MAP3K5: variants seen among roughly 807,000 people sequenced by gnomAD.
The protein encoded by MAP3K5 is ASK-1.
In MAP3K5, 56 loss-of-function variants were observed where a neutral mutation model predicts 158.7. The observed-to-expected ratio is 0.35, with a 90% confidence interval of 0.28 to 0.44. The LOEUF (loss-of-function observed/expected upper bound fraction) is 0.44. MAP3K5 is among the 20% of genes least tolerant of loss of function. MAP3K5 has a pLI of 1.00. For synonymous variants in MAP3K5, 579 were observed against 601.7 expected, an observed-to-expected ratio of 0.96 and a Z score of 0.55; for missense variants, 1,294 against 1,674.8, an observed-to-expected ratio of 0.77 and a Z score of 3.97.
intron 14 of MAP3K5, 24 bp downstream of exon 14, chr6:136,637,301 G>C: frequency 6.4e-7 from 1 of 1,556,564 alleles, no homozygotes; most frequent in Non-Finnish European, 8.9e-7. Context: ...AGCTCTAAAT[G>C]TAAATGGACA....
chr6:136,739,328 C>T (rs544746829), intron 1 of MAP3K5, among the ~76,000 whole-genome samples: 1 of 152,244 alleles, frequency 6.6e-6, no homozygotes, highest in South Asian at 2.1e-4. Flanking sequence ...CCTCAACACC[C>T]TGAGCCCATT....
intron 1 of MAP3K5, among the ~76,000 whole-genome samples, chr6:136,754,266 C>T (rs1374574789): frequency 4.3e-5 from 6 of 139,302 alleles, no homozygotes; most frequent in South Asian, 2.3e-4. Flanking sequence ...GAGCAAGACT[C>T]GATAAAAAAA....
chr6:136,630,918 G>A (rs1340408813), intron 14 of MAP3K5, among the ~76,000 whole-genome samples: 1 of 152,098 alleles, frequency 6.6e-6, no homozygotes, highest in Non-Finnish European at 1.5e-5. Context: ...TAGGCAACAT[G>A]GTGAAACCCT....
At chr6:136,678,735 T>G (rs1051023705) in intron 7 of MAP3K5, among the ~76,000 whole-genome samples, 2 of 152,138 alleles carry the variant, frequency 1.3e-5, no homozygotes, top group African/African-American at 4.8e-5. Context: ...TAATTTTTTT[T>G]TTCTTCTTGA....
intron 14 of MAP3K5, among the ~76,000 whole-genome samples, chr6:136,630,510 A>G (rs118017845): frequency 6.6e-6 from 1 of 152,348 alleles, no homozygotes; most frequent in Non-Finnish European, 1.5e-5. Context: ...TCAGAAAAAC[A>G]GCAGCAGCAG....
intron 2 of MAP3K5, among the ~76,000 whole-genome samples, chr6:136,712,175 C>CT (rs35467964): frequency 0.45 from 61,241 of 135,414 alleles, 14,258 homozygotes; most frequent in Non-Finnish European, 0.52. Context: ...TTTAATAGAG[C>CT]TTTTTTTTTT....
chr6:136,769,831 GA>G (rs1320627707), intron 1 of MAP3K5, among the ~76,000 whole-genome samples: 16 of 47,244 alleles, frequency 3.4e-4, no homozygotes, highest in Non-Finnish European at 6.7e-4. Context: ...GGGAGGGAGG[GA>G]AGGGAGGGAG....
chr6:136,742,621 G>A (rs982310220), intron 1 of MAP3K5, among the ~76,000 whole-genome samples: 2 of 151,824 alleles, frequency 1.3e-5, no homozygotes, highest in Admixed American at 1.3e-4. Context: ...AATATCAAAG[G>A]CATAATAAAA....
chr6:136,604,858 T>TA (rs1583259073), intron 19 of MAP3K5, among the ~76,000 whole-genome samples: 1 of 152,192 alleles, frequency 6.6e-6, no homozygotes, highest in Non-Finnish European at 1.5e-5. Context: ...AAATGGATTA[T>TA]AAAAAAAGTT....
upstream of MAP3K5, chr6:136,792,492 CGGTGCAGCTCAAGGGCGCCGCGCTCGG>C (rs1785127661): frequency 1.6e-6 from 1 of 619,864 alleles, no homozygotes; most frequent in South Asian, 7.1e-5. The surrounding 1 kb of genome is among the most constrained non-coding windows in gnomAD (Gnocchi z 5.7). Context: ...ACCTGCGCCG[CGGTGCAGCTCAAGGGCGCCGCGCTCGG>C]GGTGCAGCCC....
chr6:136,690,459 G>A (rs1285381136), intron 7 of MAP3K5, among the ~76,000 whole-genome samples: 1 of 152,104 alleles, frequency 6.6e-6, no homozygotes, highest in East Asian at 1.9e-4. Context: ...GAAATTTATG[G>A]CACAACCAGC....
Position 136,592,282 on chromosome 6 carries a change from GA to G in MAP3K5, c.3115del (p.Ser1039LeufsTer6). ...GTCCTTCCTCAGCATGAAGAATCCA[GA>G]ATCTTTTTCTTCAGGGGAAGGAGGA... ...SAPPSPEEKD[S>X]GFFMLRKDSE... On this transcript the variant is annotated frameshift_variant, in exon 23 of 30. Coordinates refer to ENST00000359015, the MANE Select transcript of MAP3K5 (RefSeq NM_005923.4). LOFTEE classifies it high-confidence loss of function. The G allele has an allele frequency of 6.2e-7, 1 of 1,610,190 alleles. No individual in the cohort carries two copies. Among genetic ancestry groups the G allele is most frequent in the Non-Finnish European group, 8.5e-7 (1 of 1,178,316 alleles).
chr6:136,737,035 GTGTATA>G (rs1166285975), intron 1 of MAP3K5, among the ~76,000 whole-genome samples: 23 of 118,664 alleles, frequency 1.9e-4, no homozygotes, highest in African/African-American at 1.3e-3. Context: ...ATATATGTGT[GTGTATA>G]TATATATATA....
chr6:136,724,275 G>A (rs1342571573), intron 1 of MAP3K5, among the ~76,000 whole-genome samples: 3 of 146,160 alleles, frequency 2.1e-5, no homozygotes, highest in Non-Finnish European at 4.5e-5. Context: ...TTGAGATGGA[G>A]TCTTACTCTG....
At chr6:136,755,434 C>T (rs967672142) in intron 1 of MAP3K5, among the ~76,000 whole-genome samples, 11 of 152,220 alleles carry the variant, frequency 7.2e-5, no homozygotes, top group African/African-American at 2.4e-4. Flanking sequence ...AGCCATGGTG[C>T]AGTGGCTCAT....
At chr6:136,562,350 C>T (rs1225742467) in intron 27 of MAP3K5, among the ~76,000 whole-genome samples, 153 bp downstream of exon 27, 1 of 151,820 alleles carries the variant, frequency 6.6e-6, no homozygotes, top group Non-Finnish European at 1.5e-5. Context: ...CAGTTAAAAA[C>T]TGGATTTTTT....
chr6:136,760,856 G>C (rs765783528), intron 1 of MAP3K5, among the ~76,000 whole-genome samples: 6 of 152,174 alleles, frequency 3.9e-5, no homozygotes, highest in Non-Finnish European at 7.3e-5. Flanking sequence ...TGTAATCCCA[G>C]CTACTCGAGA....
chr6:136,618,024 A>G (rs1776642447), intron 15 of MAP3K5, among the ~76,000 whole-genome samples: 1 of 152,220 alleles, frequency 6.6e-6, no homozygotes, highest in South Asian at 2.1e-4. Flanking sequence ...TTGGGGGTGG[A>G]TGATGAGAGC....
intron 1 of MAP3K5, among the ~76,000 whole-genome samples, chr6:136,760,260 T>C (rs547069053): frequency 1.3e-5 from 2 of 152,296 alleles, no homozygotes; most frequent in South Asian, 2.1e-4. Flanking sequence ...TATATAATTG[T>C]CACCAGTCTA....
Sources: allele counts gnomAD v4.1 joint callset (sites outside exome capture counted in the v4.1 genomes callset), GRCh38; gene constraint gnomAD v4.1.1; non-coding constraint Gnocchi (gnomAD v3.1); transcripts MANE v1.5; gene names NCBI Gene and HGNC (gene_info 2026-07-23, HGNC 2026-07-21).